Variants in CDH12 observed in about 807,000 individuals in gnomAD.
CDH12 encodes the protein cadherin-12.
Under a neutral mutation model 74.1 loss-of-function variants are expected in CDH12, and 41 were observed. That is an observed-to-expected ratio of 0.55 (90% CI 0.43 to 0.72). The LOEUF (loss-of-function observed/expected upper bound fraction) is 0.72, where lower values mean the gene tolerates loss of function less well. CDH12 is among the 30% of genes least tolerant of loss of function. The pLI is 0.00. For missense variants in CDH12, 945 were observed against 977.2 expected (o/e 0.97, Z 0.44); for synonymous variants, 399 against 355.0 (o/e 1.12, Z -1.39).
At chr5:22,749,797 G>A (rs1038790006) in intron 1 of CDH12, among the ~76,000 whole-genome samples, 1 of 152,194 alleles carries the variant, frequency 6.6e-6, no homozygotes. Context: ...GTTCAAAACT[G>A]CAGACTTCCC....
intron 1 of CDH12, among the ~76,000 whole-genome samples, chr5:22,751,144 T>C (rs1458530506): frequency 2.0e-5 from 3 of 151,732 alleles, no homozygotes; most frequent in Non-Finnish European, 4.4e-5. Context: ...GAAAAATAAA[T>C]GGTTTAATTT....
intron 3 of CDH12, among the ~76,000 whole-genome samples, chr5:22,345,506 A>G (rs1740073089): frequency 6.6e-6 from 1 of 152,202 alleles, no homozygotes; most frequent in Non-Finnish European, 1.5e-5. Context: ...TCAGAACTTG[A>G]TGTAAGTTAC....
chr5:21,915,810 T>C lies in CDH12; in HGVS notation c.526+59281A>G, dbSNP rs930387481. Among the ~76,000 whole-genome samples, 3 of 143,872 alleles carry C rather than the reference T, an allele frequency of 2.1e-5. No individual in the cohort carries two copies. In the South Asian group the frequency reaches 7.1e-4, roughly 34 times the overall value. 94.4% of individuals were successfully genotyped at this position (143,872 alleles called of 152,430 possible). On this transcript the variant is annotated intron_variant, in intron 6 of 14. Transcript: ENST00000382254. ...GCTAAGCCTTGGGTACACCAGTTTC[T>C]GATCATTTGTGCTGTGTGTGTGTGT...
intron 9 of CDH12, among the ~76,000 whole-genome samples, chr5:21,816,556 C>T (rs1272734930): frequency 7.8e-6 from 1 of 128,520 alleles, no homozygotes; most frequent in Non-Finnish European, 1.6e-5. Flanking sequence ...AACTGGGATG[C>T]AGAGTTTGCA....
intron 5 of CDH12, among the ~76,000 whole-genome samples, chr5:22,050,547 G>A (rs1293287257): frequency 6.6e-6 from 1 of 152,058 alleles, no homozygotes; most frequent in East Asian, 1.9e-4. Context: ...AACTTACTAT[G>A]TCTAAAAGTT....
At chr5:22,528,828 C>T (rs934416965) in intron 1 of CDH12, among the ~76,000 whole-genome samples, 1 of 151,882 alleles carries the variant, frequency 6.6e-6, no homozygotes, top group African/African-American at 2.4e-5. Context: ...CATGGACCAC[C>T]AGCCTTCTCT....
At chr5:21,842,004 A>AT (rs1398287491) in intron 8 of CDH12, among the ~76,000 whole-genome samples, 157 bp downstream of exon 8, 3 of 144,036 alleles carry the variant, frequency 2.1e-5, no homozygotes, top group Non-Finnish European at 4.5e-5. Flanking sequence ...AACTTAAAGT[A>AT]TAAAAAAAAA....
At chr5:21,873,183 C>T (rs1389991003) in intron 6 of CDH12, among the ~76,000 whole-genome samples, 2 of 152,124 alleles carry the variant, frequency 1.3e-5, no homozygotes, top group Non-Finnish European at 2.9e-5. Context: ...ATCCTATGAA[C>T]TGTTCATATT....
At chr5:22,787,761 A>C (rs960421146) in intron 1 of CDH12, among the ~76,000 whole-genome samples, 1 of 152,176 alleles carries the variant, frequency 6.6e-6, no homozygotes, top group East Asian at 1.9e-4. Context: ...TGGCTTATAC[A>C]TGCACATACG....
At chr5:21,865,045 C>T (rs1751254404) in intron 6 of CDH12, among the ~76,000 whole-genome samples, 1 of 151,724 alleles carries the variant, frequency 6.6e-6, no homozygotes, top group African/African-American at 2.4e-5. Context: ...TGATGCATGA[C>T]AAAAAAAGAG....
At chr5:22,407,085 A>C (rs530428827) in intron 2 of CDH12, among the ~76,000 whole-genome samples, 8 of 152,214 alleles carry the variant, frequency 5.3e-5, no homozygotes, top group African/African-American at 1.9e-4. Flanking sequence ...CACTAGAAAA[A>C]AAATTCAATC....
At chr5:22,372,335 C>A (rs1741329190) in intron 3 of CDH12, among the ~76,000 whole-genome samples, 1 of 152,116 alleles carries the variant, frequency 6.6e-6, no homozygotes, top group Non-Finnish European at 1.5e-5. Flanking sequence ...AGGCAGCCTG[C>A]TTGGCAGCTG....
chr5:22,717,604 T>C lies in CDH12; in HGVS notation c.-523+135454A>G, dbSNP rs1743646379. 2.0e-5 allele frequency among the ~76,000 whole-genome samples: 3 copies of C among 152,086 alleles called. No individual in the cohort carries two copies. The South Asian group carries it at 6.2e-4, about 32-fold the overall frequency. ...CCAAAATGCCAGGCAAGTTTAGAAG[T>C]GGTGGGTCGATATCCAATAAGAAGA... On this transcript the variant is annotated intron_variant, in intron 1 of 14. Coordinates refer to ENST00000382254, the MANE Select transcript of CDH12 (RefSeq NM_004061.5).
chr5:22,851,049 T>A (rs2126541934), intron 1 of CDH12, among the ~76,000 whole-genome samples: 1 of 152,256 alleles, frequency 6.6e-6, no homozygotes, highest in South Asian at 2.1e-4. Flanking sequence ...TTATGCTCCA[T>A]CCTCAAAGGA....
At chr5:22,432,969 C>G (rs1290310444) in intron 2 of CDH12, among the ~76,000 whole-genome samples, 1 of 151,996 alleles carries the variant, frequency 6.6e-6, no homozygotes, top group Non-Finnish European at 1.5e-5. Flanking sequence ...AAACTTGGGG[C>G]ACAAATTCAT....
intron 3 of CDH12, among the ~76,000 whole-genome samples, chr5:22,232,693 G>T (rs994197789): frequency 6.6e-6 from 1 of 151,348 alleles, no homozygotes; most frequent in African/African-American, 2.4e-5. Flanking sequence ...TGAGAAGAAA[G>T]CTTCTCTCTC....
chr5:22,510,379 GA>G (rs145598546), intron 1 of CDH12, among the ~76,000 whole-genome samples: 13 of 151,736 alleles, frequency 8.6e-5, no homozygotes, highest in East Asian at 1.9e-4. Context: ...TAAAAATATG[GA>G]AAAAAAACGT....
intron 2 of CDH12, among the ~76,000 whole-genome samples, chr5:22,451,986 C>CA (rs1290031956): frequency 4.0e-5 from 6 of 151,534 alleles, no homozygotes; most frequent in African/African-American, 1.5e-4. Flanking sequence ...AATATCTACA[C>CA]AAAAAATTAC....
intron 1 of CDH12, among the ~76,000 whole-genome samples, chr5:22,632,490 G>T (rs1373766583): frequency 6.6e-6 from 1 of 151,880 alleles, no homozygotes; most frequent in Non-Finnish European, 1.5e-5. Context: ...CAAAAGAGGG[G>T]TGAAATAAAA....
Sources: allele counts gnomAD v4.1 joint callset (sites outside exome capture counted in the v4.1 genomes callset), GRCh38; gene constraint gnomAD v4.1.1; transcripts MANE v1.5; gene names NCBI Gene and HGNC (gene_info 2026-07-23, HGNC 2026-07-21).